Variants in FBXL17 observed in about 807,000 individuals in gnomAD.
FBXL17 encodes F-box and leucine rich repeat protein 17, also known as F-box/LRR-repeat protein 17.
FBXL17 carries 22 observed loss-of-function variants against 66.2 expected under a neutral mutation model. The ratio of observed to expected loss-of-function variants is 0.33; its 90% CI spans 0.24 to 0.47. The LOEUF (loss-of-function observed/expected upper bound fraction) is 0.47, where lower values mean the gene tolerates loss of function less well. Among genes scored for constraint, FBXL17 ranks in the 20% least tolerant of loss-of-function variants. FBXL17 has a pLI of 1.00. For missense variants in FBXL17, 878 were observed against 948.2 expected (o/e 0.93, Z 0.97); for synonymous variants, 474 against 400.5 (o/e 1.18, Z -2.19).
At chr5:108,372,491 T>C (rs2112614996) in intron 1 of FBXL17, among the ~76,000 whole-genome samples, 1 of 152,274 alleles carries the variant, frequency 6.6e-6, no homozygotes. Flanking sequence ...AATCAAATTG[T>C]TGAAAGACAA....
At chr5:108,198,370 T>C (rs1224617408) in intron 5 of FBXL17, among the ~76,000 whole-genome samples, 1 of 152,178 alleles carries the variant, frequency 6.6e-6, no homozygotes, top group Admixed American at 6.6e-5. Context: ...AATAAATCAG[T>C]TGGGTCATCC....
intron 6 of FBXL17, among the ~76,000 whole-genome samples, chr5:108,087,396 C>T (rs288228): frequency 0.21 from 32,094 of 152,000 alleles, 3,680 homozygotes; most frequent in South Asian, 0.48. Flanking sequence ...CCTGCAACAG[C>T]CACTGAGTGA....
intron 7 of FBXL17, among the ~76,000 whole-genome samples, chr5:108,003,412 T>A (rs1232966973): frequency 2.0e-5 from 3 of 152,032 alleles, no homozygotes; most frequent in African/African-American, 7.2e-5. Context: ...TCACAGTGGG[T>A]TCCCATAGAT....
intron 4 of FBXL17, among the ~76,000 whole-genome samples, chr5:108,288,308 A>G (rs1757980148): frequency 1.3e-5 from 2 of 152,056 alleles, no homozygotes; most frequent in Non-Finnish European, 2.9e-5. Flanking sequence ...ATTTAGAAAA[A>G]AAAAAAAGTT....
At chr5:108,001,441 A>T (rs1055731292) in intron 7 of FBXL17, among the ~76,000 whole-genome samples, 1 of 152,224 alleles carries the variant, frequency 6.6e-6, no homozygotes, top group African/African-American at 2.4e-5. Flanking sequence ...TAAATATTTG[A>T]GTAAATTAAA....
intron 4 of FBXL17, among the ~76,000 whole-genome samples, chr5:108,336,485 T>C (rs926371755): frequency 1.3e-5 from 2 of 152,176 alleles, no homozygotes; most frequent in South Asian, 2.1e-4. Flanking sequence ...TTAGCAGTCC[T>C]GAGAGATTGC....
At chr5:107,990,079 A>G (rs1361243557) in intron 7 of FBXL17, among the ~76,000 whole-genome samples, 2 of 152,200 alleles carry the variant, frequency 1.3e-5, no homozygotes, top group Admixed American at 6.5e-5. Flanking sequence ...GAAACTTTAG[A>G]AAGAGGTAAG....
At chr5:108,294,637 C>T (rs1307489360) in intron 4 of FBXL17, among the ~76,000 whole-genome samples, 2 of 152,068 alleles carry the variant, frequency 1.3e-5, no homozygotes, top group Middle Eastern at 3.2e-3. Context: ...CTTCTCTTGA[C>T]ATTTGTATCC....
intron 3 of FBXL17, among the ~76,000 whole-genome samples, chr5:108,356,393 A>AT (rs1174523765): frequency 1.3e-5 from 2 of 152,200 alleles, no homozygotes; most frequent in Non-Finnish European, 2.9e-5. Flanking sequence ...AGTTTATAGT[A>AT]GTTTTATTTA....
chr5:107,887,093 T>C (rs561186530), intron 7 of FBXL17, among the ~76,000 whole-genome samples: 86 of 152,336 alleles, frequency 5.6e-4, no homozygotes, highest in Admixed American at 1.3e-3. Flanking sequence ...GTTAATTTCC[T>C]GGTTTTGATA....
At position 108,275,970 on chromosome 5, in the gene FBXL17, G is replaced by A. The variant is rs1157792150; in HGVS notation, c.1507-51742C>T. Among the ~76,000 whole-genome samples the A allele has an allele frequency of 3.3e-5, 5 of 152,048 alleles. No individual in the cohort carries two copies. In the South Asian group the frequency reaches 1.0e-3, roughly 32 times the overall value. On this transcript the variant is annotated intron_variant, in intron 4 of 8. Coordinates refer to ENST00000542267, the MANE Select transcript of FBXL17 (RefSeq NM_001163315.3). ...TAGATTTACCCTTCAACATAACCAG[G>A]AGAAAACAATTTGAAGAGACATTAT...
At chr5:108,040,097 A>C (rs1258180822) in intron 6 of FBXL17, among the ~76,000 whole-genome samples, 1 of 152,184 alleles carries the variant, frequency 6.6e-6, no homozygotes, top group Non-Finnish European at 1.5e-5. Flanking sequence ...TGACAATAAG[A>C]ATTTAGAAAT....
chr5:108,217,838 G>C (rs1026284875), intron 5 of FBXL17, among the ~76,000 whole-genome samples: 2 of 151,956 alleles, frequency 1.3e-5, no homozygotes, highest in Non-Finnish European at 2.9e-5. Context: ...GTCTGACTTT[G>C]TTAGATTCCA....
At chr5:108,267,415 T>A (rs1196569342) in intron 4 of FBXL17, among the ~76,000 whole-genome samples, 1 of 152,036 alleles carries the variant, frequency 6.6e-6, no homozygotes, top group African/African-American at 2.4e-5. Flanking sequence ...ATTTAGGTGG[T>A]CTGAAATTCT....
chr5:108,375,494 A>G (rs1255192566), intron 1 of FBXL17, among the ~76,000 whole-genome samples: 1 of 152,202 alleles, frequency 6.6e-6, no homozygotes, highest in Non-Finnish European at 1.5e-5. Flanking sequence ...GTACACAATT[A>G]TAAGAGAATA....
At chr5:108,171,404 T>C (rs1752601093) in intron 6 of FBXL17, among the ~76,000 whole-genome samples, 1 of 152,190 alleles carries the variant, frequency 6.6e-6, no homozygotes, top group Non-Finnish European at 1.5e-5. Flanking sequence ...ACTTGCTATC[T>C]GTGATCTTCA....
intron 4 of FBXL17, among the ~76,000 whole-genome samples, chr5:108,283,530 C>A (rs951914681): frequency 6.6e-6 from 1 of 151,754 alleles, no homozygotes; most frequent in Non-Finnish European, 1.5e-5. Context: ...CAAAAATACA[C>A]TCAAGATGGA....
intron 6 of FBXL17, among the ~76,000 whole-genome samples, chr5:108,022,933 G>C (rs1754655519): frequency 6.6e-6 from 1 of 152,062 alleles, no homozygotes; most frequent in Non-Finnish European, 1.5e-5. Context: ...GCTATTCACA[G>C]AGAAAAGTTC....
Position 108,104,195 on chromosome 5 carries a change from C to T in FBXL17, c.1745+81922G>A, listed in dbSNP as rs771705806. 3.3e-5 allele frequency among the ~76,000 whole-genome samples: 5 copies of T among 152,108 alleles called. No homozygotes were observed. In the South Asian group the frequency reaches 8.3e-4, roughly 25 times the overall value. On this transcript the variant is annotated intron_variant, in intron 6 of 8. Transcript: ENST00000542267. ...GGATTACAGTCATGCGCACCCACGC[C>T]TGGATAATTTTTTGTACTTTTAGTA...
Sources: gnomAD v4.1 joint callset for allele counts (sites outside exome capture counted in the v4.1 genomes callset) on GRCh38, gnomAD v4.1.1 for gene constraint, MANE v1.5 for transcripts, NCBI Gene and HGNC (gene_info 2026-07-23, HGNC 2026-07-21) for gene names.